Variants in ZNF12 observed in about 807,000 individuals in gnomAD.
The protein encoded by ZNF12 is zinc finger protein 12.
A neutral mutation model predicts 66.6 loss-of-function variants in ZNF12; 34 were observed. That is an observed-to-expected ratio of 0.51 (90% CI 0.39 to 0.68). The LOEUF is 0.68. Among genes scored for constraint, ZNF12 ranks in the 30% least tolerant of loss-of-function variants. ZNF12 has a pLI of 0.00. For synonymous variants in ZNF12, 320 were observed against 278.9 expected, an observed-to-expected ratio of 1.15 and a Z score of -1.47; for missense variants, 697 against 826.9, an observed-to-expected ratio of 0.84 and a Z score of 1.93.
chr7:6,697,392 T>C lies in ZNF12; in HGVS notation c.185A>G (p.Gln62Arg). The stretch of plus-strand genomic sequence containing the variant: ...TTCTACTATCCATGGCTCTTCTCCT[T>C]GCTCCAACTTGCTGATAACATCCGG... ...IKPDVISKLE[Q>R]GEEPWIVEGE... Residue 62 changes from glutamine (Q) to arginine (R), a missense_variant, in exon 4 of 5, where the codon CAA becomes CGA. This residue lies in a region of ZNF12 where 55 missense variants were observed against 83.9 expected (regional missense o/e 0.66). Coordinates refer to ENST00000405858, the MANE Select transcript of ZNF12 (RefSeq NM_016265.4). This position sits in a 1 kb window ranked among gnomAD's most constrained non-coding sequence, Gnocchi z 6.1. 1 of 1,612,608 alleles carries C rather than the reference T, an allele frequency of 6.2e-7. No individual in the cohort carries two copies.
rs1302955507 is a variant in ZNF12 at position 6,688,793 on chromosome 7, T to A, written c.*2055A>T. ...GATCCTTACCTCATACTATATGTTGTCAGCTAACACTGTAGCAGTGGTATA... is the reference window on the plus strand; with the variant it reads ...GATCCTTACCTCATACTATATGTTGACAGCTAACACTGTAGCAGTGGTATA... On this transcript the variant is annotated 3_prime_UTR_variant, in exon 5 of 5. Transcript: ENST00000405858. This position sits in a 1 kb window ranked among gnomAD's most constrained non-coding sequence, Gnocchi z 4.3. 1.3e-5 allele frequency: 2 copies of A among 152,610 alleles called. No homozygotes were observed. Among genetic ancestry groups the A allele is most frequent in the Middle Eastern group, 3.4e-3 (1 of 294 alleles). The allele number at this position is 152,610 out of a possible 1,614,324, so 9.5% of individuals were successfully genotyped here.
Position 6,698,011 on chromosome 7 carries a change from A to G in ZNF12, c.16-200T>C. 1.3e-6 allele frequency: 1 copy of G among 795,558 alleles called. No individual in the cohort carries two copies. 49.3% of individuals were successfully genotyped at this position (795,558 alleles called of 1,614,324 possible). A position where few individuals can be genotyped will look rare whatever the true frequency, so the allele number is the denominator to read the frequency against. On this transcript the variant is annotated intron_variant, in intron 2 of 4. Coordinates refer to ENST00000405858, the MANE Select transcript of ZNF12 (RefSeq NM_016265.4). This position sits in a 1 kb window ranked among gnomAD's most constrained non-coding sequence, Gnocchi z 4.4. ...ATACATCAAACAAAAAACAAAAAAC[A>G]AAAAAACAACACTGGGATTGCACGG...
intron 2 of ZNF12, among the ~76,000 whole-genome samples, chr7:6,700,617 AT>A (rs1212457386): frequency 6.6e-6 from 1 of 151,916 alleles, no homozygotes; most frequent in Admixed American, 6.6e-5. Flanking sequence ...GTCAGTCTCT[AT>A]TAATTTCAGC....
Position 6,691,262 on chromosome 7 carries a change from C to T in ZNF12, c.1680G>A (p.Gln560=). Residue 560 remains glutamine (Q), a synonymous_variant, in exon 5 of 5, where the codon CAG becomes CAA. Transcript: ENST00000405858. Reference sequence around the variant, plus strand: ...TATGATGTATAGTGAGGTATGACATCTGAGAGAAGAATTTTCCACATATAT... The same window carrying T: ...TATGATGTATAGTGAGGTATGACATTTGAGAGAAGAATTTTCCACATATAT... ...ECYICGKFFS[Q]MSYLTIHHRI... is the part of the protein sequence containing the mutation. The T allele has an allele frequency of 6.2e-7, 1 of 1,614,142 alleles. No homozygotes were observed. Among genetic ancestry groups the T allele is most frequent in the South Asian group, 1.1e-5 (1 of 91,072 alleles).
chr7:6,705,961 G>A lies in ZNF12; in HGVS notation c.-51+471C>T, dbSNP rs1288437961. Among the ~76,000 whole-genome samples, 1 of 152,130 alleles carries A rather than the reference G, an allele frequency of 6.6e-6. No homozygotes were observed. Among genetic ancestry groups the A allele is most frequent in the East Asian group, 1.9e-4 (1 of 5,196 alleles). ...CGGGGGACAGAACACTGGCCTGGGAGATAAAACTCCAGAGTTCTACTATGA... is the reference window on the plus strand; with the variant it reads ...CGGGGGACAGAACACTGGCCTGGGAAATAAAACTCCAGAGTTCTACTATGA... On this transcript the variant is annotated intron_variant, in intron 1 of 4. Transcript: ENST00000405858. This position sits in a 1 kb window ranked among gnomAD's most constrained non-coding sequence, Gnocchi z 4.0.
In ZNF12 at chr7:6,690,085, G is replaced by GC. The variant is rs1299609213; in HGVS notation, c.*762dup. The stretch of plus-strand genomic sequence containing the variant: ...AGATACAGTTGAAAACATTATAAAA[G>GC]CATTGGTCCTTTAGAGCTGATATTG... On this transcript the variant is annotated 3_prime_UTR_variant, in exon 5 of 5. Coordinates refer to ENST00000405858, the MANE Select transcript of ZNF12 (RefSeq NM_016265.4). The GC allele has an allele frequency of 6.6e-6, 1 of 152,126 alleles. No homozygotes were observed. Among genetic ancestry groups the GC allele is most frequent in the East Asian group, 1.9e-4 (1 of 5,196 alleles). The allele number at this position is 152,126 out of a possible 1,614,324, so 9.4% of individuals were successfully genotyped here.
chr7:6,697,573 G>A lies in ZNF12; in HGVS notation c.142+112C>T, dbSNP rs1780172720. On this transcript the variant is annotated intron_variant, in intron 3 of 4. Coordinates refer to ENST00000405858, the MANE Select transcript of ZNF12 (RefSeq NM_016265.4). This position sits in a 1 kb window ranked among gnomAD's most constrained non-coding sequence, Gnocchi z 6.1. Reference sequence around the variant, plus strand: ...AGATCAAGACCAAAATGCCCTGCCTGGTGCCCAAAAACAGATTACTCACAT... The same window carrying A: ...AGATCAAGACCAAAATGCCCTGCCTAGTGCCCAAAAACAGATTACTCACAT... 1 of 1,546,338 alleles carries A rather than the reference G, an allele frequency of 6.5e-7. No homozygotes were observed. Among genetic ancestry groups the A allele is most frequent in the Non-Finnish European group, 8.8e-7 (1 of 1,133,694 alleles).
At chr7:6,700,215 G>A (rs1232154993) in intron 2 of ZNF12, among the ~76,000 whole-genome samples, 1 of 151,524 alleles carries the variant, frequency 6.6e-6, no homozygotes, top group African/African-American at 2.4e-5. Context: ...AACCCGGGAG[G>A]TGGAGCTTGC....
At chr7:6,703,463 G>A (rs1024712327) in intron 2 of ZNF12, among the ~76,000 whole-genome samples, 1 of 152,236 alleles carries the variant, frequency 6.6e-6, no homozygotes, top group African/African-American at 2.4e-5. Context: ...AAACAATCGC[G>A]AGGTCAGAAA....
chr7:6,691,116 T>G lies in ZNF12; in HGVS notation c.1826A>C (p.Glu609Ala), dbSNP rs768794057. Reference sequence around the variant, plus strand: ...CATCTGAGAGAAGCACTTCCCACATTCATAACATTCGTAGGCTTTCTCTCC... The same window carrying G: ...CATCTGAGAGAAGCACTTCCCACATGCATAACATTCGTAGGCTTTCTCTCC... ...HTGEKAYECY[E>A]CGKCFSQMSY... The change falls in exon 5 of 5, where the codon GAA (glutamate) becomes GCA (alanine). Residue 609 changes from glutamate to alanine, a missense_variant. By Grantham distance (107) the Glu-to-Ala change is moderately radical. This residue lies in a region of ZNF12 where 401 missense variants were observed against 519.0 expected (regional missense o/e 0.77). Coordinates refer to ENST00000405858, the MANE Select transcript of ZNF12 (RefSeq NM_016265.4). The G allele has an allele frequency of 6.8e-6, 11 of 1,614,088 alleles. 1 individual carries two copies. The South Asian group carries it at 1.2e-4, about 18-fold the overall frequency.
chr7:6,701,841 C>T (rs1780248305), intron 2 of ZNF12, among the ~76,000 whole-genome samples: 1 of 151,880 alleles, frequency 6.6e-6, no homozygotes, highest in Admixed American at 6.6e-5. Flanking sequence ...AGAATCACCC[C>T]ACTATTATCT....
rs372158854 is a variant in ZNF12 at position 6,692,180 on chromosome 7, C to T, written c.762G>A (p.Ser254=). The T allele has an allele frequency of 3.2e-5, 52 of 1,613,902 alleles. No individual in the cohort carries two copies. The highest frequency in any genetic ancestry group is 1.6e-4 in the Middle Eastern group (1 of 6,084). The change falls in exon 5 of 5, where the codon TCG becomes TCA. Residue 254 remains serine (S), a synonymous_variant. Coordinates refer to ENST00000405858, the MANE Select transcript of ZNF12 (RefSeq NM_016265.4). The surrounding 1 kb of genome is among the most constrained non-coding windows in gnomAD (Gnocchi z 5.1). The part of the protein sequence containing the change: ...NGSEIAFLQM[S]DLTVHQTSHM... ...GAGATGTCTGATGTACAGTGAGGTC[C>T]GACATCTGGAGAAAGGCTATTTCAG...
rs1267596108 is a variant in ZNF12 at position 6,691,932 on chromosome 7, T to G, written c.1010A>C (p.Lys337Thr). Residue 337 changes from lysine to threonine, a missense_variant, in exon 5 of 5, where the codon AAG (lysine) becomes ACG (threonine). Lys to Thr is a moderately conservative substitution (Grantham distance 78). Around this residue, in one of 3 missense-constraint regions of ZNF12, gnomAD observed 401 missense variants for 519.0 expected, o/e 0.77. Coordinates refer to ENST00000405858, the MANE Select transcript of ZNF12 (RefSeq NM_016265.4). Reference sequence around the variant, plus strand: ...TCTCTGATGCTGAATGAGGTGTAACTTCTGGTAAAAGTTCTTCCCACATTC... The same window carrying G: ...TCTCTGATGCTGAATGAGGTGTAACGTCTGGTAAAAGTTCTTCCCACATTC... Reference protein sequence around the residue: ...CNECGKNFYQKLHLIQHQRTH... With the variant: ...CNECGKNFYQTLHLIQHQRTH... 6.2e-7 allele frequency: 1 copy of G among 1,614,136 alleles called. No homozygotes were observed.
At position 6,697,595 on chromosome 7, in the gene ZNF12, A is replaced by C; in HGVS notation, c.142+90T>G. 6.3e-7 allele frequency: 1 copy of C among 1,578,514 alleles called. No homozygotes were observed. Among genetic ancestry groups the C allele is most frequent in the South Asian group, 1.2e-5 (1 of 86,318 alleles). On this transcript the variant is annotated intron_variant, in intron 3 of 4. Coordinates refer to ENST00000405858, the MANE Select transcript of ZNF12 (RefSeq NM_016265.4). The surrounding 1 kb of genome is among the most constrained non-coding windows in gnomAD (Gnocchi z 6.1). Reference sequence around the variant, plus strand: ...CCTGGTGCCCAAAAACAGATTACTCACATTCGTCCCATCAAATTTTAAGTT... The same window carrying C: ...CCTGGTGCCCAAAAACAGATTACTCCCATTCGTCCCATCAAATTTTAAGTT...
At chr7:6,706,265 C>T (rs1008497176) in intron 1 of ZNF12, among the ~76,000 whole-genome samples, 167 bp downstream of exon 1, 1 of 152,182 alleles carries the variant, frequency 6.6e-6, no homozygotes, top group African/African-American at 2.4e-5. Context: ...GTGACACCCC[C>T]CACGCCCCCG....
intron 4 of ZNF12, among the ~76,000 whole-genome samples, chr7:6,695,713 C>T (rs1408412857): frequency 2.0e-5 from 3 of 152,190 alleles, no homozygotes; most frequent in South Asian, 2.1e-4. Flanking sequence ...TAGACACTAT[C>T]GAATAACAGA....
intron 4 of ZNF12, among the ~76,000 whole-genome samples, chr7:6,694,712 G>C (rs1216179018): frequency 1.3e-5 from 2 of 152,082 alleles, no homozygotes; most frequent in East Asian, 3.9e-4. Flanking sequence ...CAGTTTGCTT[G>C]ACTTCCTGCC....
chr7:6,706,420 C>A lies in ZNF12; in HGVS notation c.-51+12G>T, dbSNP rs1238390845. 2.1e-6 allele frequency: 1 copy of A among 473,290 alleles called. No individual in the cohort carries two copies. The highest frequency in any genetic ancestry group is 4.2e-6 in the Non-Finnish European group (1 of 237,622). The allele number at this position is 473,290 out of a possible 1,614,324, so 29.3% of individuals were successfully genotyped here. Reference sequence around the variant, plus strand: ...GCCCTTCTCGCCCCGGGCCCGCAAACCCACGACTTACCCTCCTGGGGCTCC... The same window carrying A: ...GCCCTTCTCGCCCCGGGCCCGCAAAACCACGACTTACCCTCCTGGGGCTCC... On this transcript the variant is annotated intron_variant, in intron 1 of 4. Transcript: ENST00000405858.
At chr7:6,699,020 A>G (rs1583466077) in intron 2 of ZNF12, among the ~76,000 whole-genome samples, 1 of 152,362 alleles carries the variant, frequency 6.6e-6, no homozygotes, top group African/African-American at 2.4e-5. Flanking sequence ...TGTGGCTCTG[A>G]CCACTTTCCA....
Sources: gnomAD v4.1 joint callset for allele counts (sites outside exome capture counted in the v4.1 genomes callset) on GRCh38, gnomAD v4.1.1 for gene constraint, gnomAD v4.1.1 regional missense constraint, Gnocchi (gnomAD v3.1) non-coding constraint, MANE v1.5 for transcripts, NCBI Gene and HGNC (gene_info 2026-07-23, HGNC 2026-07-21) for gene names.